Variants in ZNF136 observed in about 807,000 individuals in gnomAD.
ZNF136 encodes zinc finger protein 136.
A neutral mutation model predicts 11.4 loss-of-function variants in ZNF136; 8 were observed. That is an observed-to-expected ratio of 0.70 (90% CI 0.41 to 1.27). The LOEUF (loss-of-function observed/expected upper bound fraction) is 1.27, where lower values mean the gene tolerates loss of function less well. Among genes scored for constraint, ZNF136 ranks in the 50% most tolerant of loss-of-function variants. ZNF136 has a pLI of 0.01. For synonymous variants in ZNF136, 190 were observed against 207.1 expected (o/e 0.92, Z 0.71); for missense variants, 590 against 656.5 (o/e 0.90, Z 1.11).
At chr19:12,183,031 T>C (rs1460372731) in intron 1 of ZNF136, among the ~76,000 whole-genome samples, 1 of 152,178 alleles carries the variant, frequency 6.6e-6, no homozygotes, top group East Asian at 1.9e-4. Context: ...GAAAAATAAA[T>C]ATCTACCCTT....
chr19:12,169,896 G>A lies in ZNF136; in HGVS notation c.3+6690G>A, dbSNP rs546240781. On this transcript the variant is annotated intron_variant, in intron 1 of 3. Coordinates refer to ENST00000343979, the MANE Select transcript of ZNF136 (RefSeq NM_003437.5). ...TGCAAGCTCTGCCTCCCGGGTTGACGCCATTCTCCTGCCTCAGCCTCCCAA... is the reference window on the plus strand; with the variant it reads ...TGCAAGCTCTGCCTCCCGGGTTGACACCATTCTCCTGCCTCAGCCTCCCAA... Among the ~76,000 whole-genome samples the A allele has an allele frequency of 3.9e-5, 6 of 152,112 alleles. No individual in the cohort carries two copies. In the South Asian group the frequency reaches 1.0e-3, roughly 26 times the overall value.
intron 1 of ZNF136, among the ~76,000 whole-genome samples, chr19:12,184,402 A>T (rs976099048): frequency 2.0e-5 from 3 of 152,094 alleles, no homozygotes; most frequent in African/African-American, 7.2e-5. Context: ...GTACTAAAAA[A>T]TACAAAAAAT....
At chr19:12,186,074 T>C in intron 2 of ZNF136, 40 bp from the exon 3 acceptor site, 11 of 1,595,634 alleles carry the variant, frequency 6.9e-6, no homozygotes, top group Non-Finnish European at 9.4e-6. Context: ...TTTTCTATAA[T>C]TTTGCACTAA....
Position 12,188,081 on chromosome 19 carries a change from A to T in ZNF136, c.*80A>T. The T allele has an allele frequency of 1.6e-6, 2 of 1,264,364 alleles. No individual in the cohort carries two copies. The highest frequency in any genetic ancestry group is 2.1e-6 in the Non-Finnish European group (2 of 951,204). 78.3% of individuals were successfully genotyped at this position (1,264,364 alleles called of 1,614,324 possible). On this transcript the variant is annotated 3_prime_UTR_variant, in exon 4 of 4. Transcript: ENST00000343979. ...AATGTAAGTAACGTGGGAAAGCATGAAATTCTGTCAGTGCCTTTTTTAATA... is the reference window on the plus strand; with the variant it reads ...AATGTAAGTAACGTGGGAAAGCATGTAATTCTGTCAGTGCCTTTTTTAATA...
intron 2 of ZNF136, 41 bp downstream of exon 2, chr19:12,185,952 A>G: frequency 5.6e-6 from 9 of 1,610,224 alleles, no homozygotes; most frequent in Non-Finnish European, 4.2e-6. Flanking sequence ...ATTAAAGAAG[A>G]AGTGCTTCTT....
At chr19:12,175,470 C>T (rs1293182771) in intron 1 of ZNF136, among the ~76,000 whole-genome samples, 7 of 152,182 alleles carry the variant, frequency 4.6e-5, no homozygotes, top group Admixed American at 3.9e-4. Flanking sequence ...GCTGGGATTA[C>T]AGGTGTGAGC....
intron 1 of ZNF136, among the ~76,000 whole-genome samples, chr19:12,171,047 C>G (rs995016969): frequency 3.3e-5 from 5 of 151,974 alleles, no homozygotes; most frequent in African/African-American, 9.7e-5. Flanking sequence ...GTTGGTCAGG[C>G]TGGTCTTGAA....
Position 12,186,949 on chromosome 19 carries a change from A to C in ZNF136, c.571A>C (p.Ser191Arg), listed in dbSNP as rs960361650. 1 of 1,614,120 alleles carries C rather than the reference A, an allele frequency of 6.2e-7. No homozygotes were observed. The highest frequency in any genetic ancestry group is 1.3e-5 in the African/African-American group (1 of 75,058). Reference protein sequence around the residue: ...KRIRRHIITHSGYTPYKCKVC... With the variant: ...KRIRRHIITHRGYTPYKCKVC... ...AATTAGAAGACACATCATCACACAC[A>C]GTGGATATACACCATATAAATGTAA... The change falls in exon 4 of 4, where the codon AGT becomes CGT. Residue 191 changes from serine (S) to arginine (R), a missense_variant. Ser to Arg is a moderately radical substitution (Grantham distance 110, BLOSUM62 -1). Transcript: ENST00000343979.
intron 1 of ZNF136, chr19:12,184,730 G>A (rs1240264847): frequency 6.6e-6 from 1 of 152,096 alleles, no homozygotes; most frequent in African/African-American, 2.4e-5. Flanking sequence ...ATGCTTCCTG[G>A]AGTGTTTCTG....
rs61233117 is a variant in ZNF136, at chr19:12,164,439, C to CTTTT, written c.3+1253_3+1256dup. The stretch of plus-strand genomic sequence containing the variant: ...GTTTTGCGCCACCACTCCCAGATAA[C>CTTTT]TTTTTTTTTTTTTTTTTTTTTTTGA... On this transcript the variant is annotated intron_variant, in intron 1 of 3. Coordinates refer to ENST00000343979, the MANE Select transcript of ZNF136 (RefSeq NM_003437.5). 6.9e-3 allele frequency among the ~76,000 whole-genome samples: 846 copies of CTTTT among 122,788 alleles called. 44 individuals are homozygous for CTTTT. Among genetic ancestry groups the CTTTT allele is most frequent in the African/African-American group, 0.025 (781 of 31,178 alleles). The allele number at this position is 122,788 out of a possible 152,430, so 80.6% of individuals were successfully genotyped here. A position where few individuals can be genotyped will look rare whatever the true frequency, so the allele number is the denominator to read the frequency against.
At chr19:12,177,176 C>A (rs561079610) in intron 1 of ZNF136, among the ~76,000 whole-genome samples, 40 of 152,130 alleles carry the variant, frequency 2.6e-4, no homozygotes, top group South Asian at 1.0e-3. Flanking sequence ...AAGGAAGTTC[C>A]CTTCCATTTC....
chr19:12,169,874 A>C (rs1914598341), intron 1 of ZNF136, among the ~76,000 whole-genome samples: 1 of 151,662 alleles, frequency 6.6e-6, no homozygotes, highest in Admixed American at 6.6e-5. Flanking sequence ...GGCTCACTGC[A>C]AGCTCTGCCT....
At chr19:12,183,548 AATCT>A (rs57826139) in intron 1 of ZNF136, among the ~76,000 whole-genome samples, 59,129 of 145,184 alleles carry the variant, frequency 0.41, 11,959 homozygotes, top group Admixed American at 0.46. Context: ...CACATAACTG[AATCT>A]ATCTATCTAT....
At chr19:12,170,393 C>CT (rs201586775) in intron 1 of ZNF136, among the ~76,000 whole-genome samples, 4,543 of 144,000 alleles carry the variant, frequency 0.032, 200 homozygotes, top group African/African-American at 0.1. Flanking sequence ...TCATAAACTT[C>CT]TTTTTTTTTT....
chr19:12,173,858 G>A (rs922656984), intron 1 of ZNF136, among the ~76,000 whole-genome samples: 4 of 152,006 alleles, frequency 2.6e-5, no homozygotes, highest in Non-Finnish European at 4.4e-5. Flanking sequence ...TAATCGAATC[G>A]GTTTGGCAGG....
rs1482681659 is a variant in ZNF136 at position 12,189,812 on chromosome 19, G to A, written c.*1811G>A. The A allele has an allele frequency of 1.3e-5, 2 of 152,132 alleles. No homozygotes were observed. Among genetic ancestry groups the A allele is most frequent in the African/African-American group, 4.8e-5 (2 of 41,416 alleles). The allele number at this position is 152,132 out of a possible 1,614,324, so 9.4% of individuals were successfully genotyped here. On this transcript the variant is annotated 3_prime_UTR_variant, in exon 4 of 4. Coordinates refer to ENST00000343979, the MANE Select transcript of ZNF136 (RefSeq NM_003437.5). Reference sequence around the variant, plus strand: ...TTGTTATTTATTCTGGCTGCTCTTTGTATAATTGATTTTGGGATAAGGAGA... The same window carrying A: ...TTGTTATTTATTCTGGCTGCTCTTTATATAATTGATTTTGGGATAAGGAGA...
At chr19:12,185,127 C>G (rs1269985301) in intron 1 of ZNF136, 3 of 152,232 alleles carry the variant, frequency 2.0e-5, no homozygotes, top group Non-Finnish European at 2.9e-5. Flanking sequence ...TACCCACTTT[C>G]AATTATATGC....
intron 1 of ZNF136, among the ~76,000 whole-genome samples, chr19:12,173,020 CAAAA>C (rs1165040556): frequency 6.6e-6 from 1 of 151,666 alleles, no homozygotes; most frequent in African/African-American, 2.4e-5. Context: ...CAAAAAAAAA[CAAAA>C]AAATTCCCGG....
chr19:12,179,106 G>A (rs1024355284), intron 1 of ZNF136, among the ~76,000 whole-genome samples: 2 of 151,308 alleles, frequency 1.3e-5, no homozygotes, highest in Admixed American at 6.6e-5. Context: ...TGCTCATGTA[G>A]TCACAGTTTT....
Sources: allele counts gnomAD v4.1 joint callset (sites outside exome capture counted in the v4.1 genomes callset), GRCh38; gene constraint gnomAD v4.1.1; transcripts MANE v1.5; gene names NCBI Gene and HGNC (gene_info 2026-07-23, HGNC 2026-07-21).